The following KCNQ3 variants were observed in gnomAD, a reference collection of about 807,000 sequenced individuals.
KCNQ3 encodes potassium voltage-gated channel subfamily KQT member 3.
Under a neutral mutation model 92.5 loss-of-function variants are expected in KCNQ3, and 30 were observed. The observed-to-expected ratio is 0.32, with a 90% confidence interval of 0.24 to 0.44. KCNQ3 has a LOEUF of 0.44. KCNQ3 is among the 20% of genes least tolerant of loss of function. The pLI, the probability that KCNQ3 is intolerant of heterozygous loss-of-function variation, is 1.00. For missense variants in KCNQ3, 913 were observed against 1,140.3 expected (o/e 0.80, Z 2.87); for synonymous variants, 450 against 468.8 (o/e 0.96, Z 0.52).
chr8:132,289,578 A>T lies in KCNQ3; in HGVS notation c.387-103397T>A, dbSNP rs773507462. Among the ~76,000 whole-genome samples, 51 of 152,182 alleles carry T rather than the reference A, an allele frequency of 3.4e-4. 1 individual carries two copies. The highest frequency in any genetic ancestry group is 1.2e-4 in the Non-Finnish European group (8 of 68,030). On this transcript the variant is annotated intron_variant, in intron 1 of 14. Coordinates refer to ENST00000388996, the MANE Select transcript of KCNQ3 (RefSeq NM_004519.4). ...CAATGTCTCTCACCTACAAGGATAC[A>T]TAAGATTATATTTAGAGCCCACCAG... is the stretch of plus-strand genomic sequence containing the variant.
At chr8:132,327,978 ACT>A (rs1466378270) in intron 1 of KCNQ3, among the ~76,000 whole-genome samples, 1 of 151,776 alleles carries the variant, frequency 6.6e-6, no homozygotes, top group Non-Finnish European at 1.5e-5. Flanking sequence ...TAATCTCCAG[ACT>A]CTATCCCACA....
chr8:132,172,186 C>G (rs1826389169), intron 7 of KCNQ3, among the ~76,000 whole-genome samples: 1 of 151,614 alleles, frequency 6.6e-6, no homozygotes, highest in Non-Finnish European at 1.5e-5. Flanking sequence ...AAAAAAAACT[C>G]AAAAAACCAC....
intron 1 of KCNQ3, among the ~76,000 whole-genome samples, chr8:132,351,267 G>A (rs544892293): frequency 2.2e-4 from 34 of 152,240 alleles, no homozygotes; most frequent in African/African-American, 7.2e-4. Flanking sequence ...AAATATCATC[G>A]AGCTTAGCCA....
chr8:132,394,700 T>G (rs1211210667), intron 1 of KCNQ3, among the ~76,000 whole-genome samples: 1 of 152,070 alleles, frequency 6.6e-6, no homozygotes, highest in Admixed American at 6.6e-5. Flanking sequence ...TGGGAGAAGT[T>G]CAAGGACTTC....
intron 1 of KCNQ3, among the ~76,000 whole-genome samples, chr8:132,338,933 G>C (rs913551227): frequency 1.3e-5 from 2 of 152,200 alleles, no homozygotes; most frequent in Non-Finnish European, 2.9e-5. Flanking sequence ...AGGTCAGCTA[G>C]CTTGGTCTTG....
intron 1 of KCNQ3, among the ~76,000 whole-genome samples, chr8:132,433,550 G>T (rs1441575517): frequency 6.6e-6 from 1 of 152,218 alleles, no homozygotes; most frequent in Non-Finnish European, 1.5e-5. Flanking sequence ...TTATGAGAGT[G>T]TACTGAATTG....
intron 1 of KCNQ3, among the ~76,000 whole-genome samples, chr8:132,279,779 G>A (rs1264928273): frequency 9.2e-5 from 14 of 152,104 alleles, no homozygotes; most frequent in Non-Finnish European, 2.1e-4. Context: ...TCTACATGCA[G>A]ACATCAACAC....
chr8:132,184,045 GA>G (rs1247424969), intron 3 of KCNQ3, among the ~76,000 whole-genome samples, 195 bp downstream of exon 3: 1 of 152,152 alleles, frequency 6.6e-6, no homozygotes, highest in Non-Finnish European at 1.5e-5. Context: ...TCCTTATAAG[GA>G]CCAGTCACAG....
chr8:132,465,251 G>A (rs1563921176), intron 1 of KCNQ3, among the ~76,000 whole-genome samples: 1 of 152,128 alleles, frequency 6.6e-6, no homozygotes, highest in Non-Finnish European at 1.5e-5. Flanking sequence ...AAATGCTAAT[G>A]TTTCTCACAT....
intron 1 of KCNQ3, among the ~76,000 whole-genome samples, chr8:132,463,417 T>C (rs2130859995): frequency 6.6e-6 from 1 of 152,256 alleles, no homozygotes; most frequent in East Asian, 1.9e-4. Flanking sequence ...GAATTCATTT[T>C]CTACAAGATG....
chr8:132,433,505 T>A (rs777206502), intron 1 of KCNQ3, among the ~76,000 whole-genome samples: 1 of 152,088 alleles, frequency 6.6e-6, no homozygotes, highest in Non-Finnish European at 1.5e-5. Context: ...CATGTGGGAG[T>A]GCTGGATGCT....
At chr8:132,213,728 G>A (rs934571259) in intron 1 of KCNQ3, among the ~76,000 whole-genome samples, 1 of 152,172 alleles carries the variant, frequency 6.6e-6, no homozygotes, top group African/African-American at 2.4e-5. Flanking sequence ...GGTATTGCAA[G>A]CTCTGGTTTG....
rs1826889246 is a variant in KCNQ3 at position 132,184,325 on chromosome 8, T to G, written c.520A>C (p.Arg174=). ...IFIFGAEFAL[R]IWAAGCCCRY... ...CAGCAACATCCAGCAGCCCAGATCC[T>G]CAAAGCAAACTCGGCTCCAAAGATG... The change falls in exon 3 of 15, where the codon AGG becomes CGG. Residue 174 remains arginine (R), a synonymous_variant. Coordinates refer to ENST00000388996, the MANE Select transcript of KCNQ3 (RefSeq NM_004519.4). 6.2e-7 allele frequency: 1 copy of G among 1,614,006 alleles called. No homozygotes were observed. The highest frequency in any genetic ancestry group is 1.7e-5 in the Admixed American group (1 of 60,008).
At chr8:132,448,390 A>C (rs1821736860) in intron 1 of KCNQ3, among the ~76,000 whole-genome samples, 1 of 151,870 alleles carries the variant, frequency 6.6e-6, no homozygotes, top group African/African-American at 2.4e-5. Context: ...TTCTGCTACC[A>C]GCCTCTGAAA....
chr8:132,186,350 G>A lies in KCNQ3; in HGVS notation c.387-169C>T, dbSNP rs187417378. Among the ~76,000 whole-genome samples the A allele has an allele frequency of 1.1e-4, 16 of 152,252 alleles. No individual in the cohort carries two copies. The East Asian group carries it at 1.9e-3, about 18-fold the overall frequency. The stretch of plus-strand genomic sequence containing the variant: ...TTCACGACAAACCTGCAAGGCAGGC[G>A]GAAACAATCATCCCAGTTAAATAAA... On this transcript the variant is annotated intron_variant, in intron 1 of 14. Coordinates refer to ENST00000388996, the MANE Select transcript of KCNQ3 (RefSeq NM_004519.4).
intron 1 of KCNQ3, among the ~76,000 whole-genome samples, chr8:132,341,918 G>C (rs1476788909): frequency 1.3e-5 from 2 of 152,302 alleles, no homozygotes; most frequent in East Asian, 1.9e-4. Context: ...TGCATGCACA[G>C]AAACATCCCC....
chr8:132,140,033 C>T (rs776245506), intron 11 of KCNQ3, 43 bp downstream of exon 11: 24 of 1,318,844 alleles, frequency 1.8e-5, no homozygotes, highest in Middle Eastern at 1.9e-4. Context: ...TGAGCTGGAG[C>T]GGGGGAGGCA....
intron 1 of KCNQ3, among the ~76,000 whole-genome samples, chr8:132,325,552 T>C (rs1011545235): frequency 2.0e-5 from 3 of 152,184 alleles, no homozygotes; most frequent in African/African-American, 7.2e-5. Context: ...ATATGACTGG[T>C]GGTCTTATAA....
At chr8:132,234,236 C>T (rs761402021) in intron 1 of KCNQ3, among the ~76,000 whole-genome samples, 6 of 151,996 alleles carry the variant, frequency 3.9e-5, no homozygotes, top group Non-Finnish European at 7.3e-5. Context: ...TTTTATGGAG[C>T]CTCATATCAG....
Sources: allele counts gnomAD v4.1 joint callset (sites outside exome capture counted in the v4.1 genomes callset), GRCh38; gene constraint gnomAD v4.1.1; transcripts MANE v1.5; gene names NCBI Gene and HGNC (gene_info 2026-07-23, HGNC 2026-07-21).